TRDN: variants seen among roughly 807,000 people sequenced by gnomAD.
The protein encoded by TRDN is triadin in skeletal muscle.
A neutral mutation model predicts 149.7 loss-of-function variants in TRDN; 161 were observed. That is an observed-to-expected ratio of 1.08 (90% CI 0.95 to 1.23). The LOEUF (loss-of-function observed/expected upper bound fraction) is 1.23. Among genes scored for constraint, TRDN ranks in the 50% most tolerant of loss-of-function variants. The pLI is 0.00. For missense variants in TRDN, 896 were observed against 823.5 expected, an observed-to-expected ratio of 1.09 and a Z score of -1.08; for synonymous variants, 294 against 250.5, an observed-to-expected ratio of 1.17 and a Z score of -1.64.
intron 24 of TRDN, 107 bp downstream of exon 24, chr6:123,316,350 G>C: frequency 9.7e-7 from 1 of 1,034,788 alleles, no homozygotes; most frequent in South Asian, 1.4e-5. Flanking sequence ...TTAATGTTTT[G>C]GATGTCTAAA....
At chr6:123,570,658 T>C (rs937981681) in intron 2 of TRDN, among the ~76,000 whole-genome samples, 2 of 152,194 alleles carry the variant, frequency 1.3e-5, no homozygotes, top group African/African-American at 4.8e-5. Flanking sequence ...CTATTATCTT[T>C]ATGAACTGCA....
intron 1 of TRDN, among the ~76,000 whole-genome samples, chr6:123,575,783 C>T (rs1782824223): frequency 6.6e-6 from 1 of 151,956 alleles, no homozygotes; most frequent in Non-Finnish European, 1.5e-5. Flanking sequence ...AAGCCATAAG[C>T]CTCCTGATAG....
intron 7 of TRDN, among the ~76,000 whole-genome samples, chr6:123,505,416 C>T (rs1778879836): frequency 6.6e-6 from 1 of 152,010 alleles, no homozygotes. Context: ...AACCAAAAAT[C>T]ATCTGTGGTA....
chr6:123,279,745 A>G (rs934259491), intron 24 of TRDN, among the ~76,000 whole-genome samples: 2 of 152,066 alleles, frequency 1.3e-5, no homozygotes, highest in African/African-American at 4.8e-5. Context: ...ATTTGACCAT[A>G]TTGATCACTT....
At chr6:123,387,062 A>G (rs1781931910) in intron 14 of TRDN, among the ~76,000 whole-genome samples, 1 of 152,162 alleles carries the variant, frequency 6.6e-6, no homozygotes, top group Admixed American at 6.5e-5. Context: ...TACTCTACAG[A>G]GTCATTGTAA....
chr6:123,287,402 C>T (rs1010571631), intron 24 of TRDN, among the ~76,000 whole-genome samples: 37 of 152,104 alleles, frequency 2.4e-4, no homozygotes, highest in African/African-American at 8.2e-4. Flanking sequence ...AACAATATCA[C>T]ATAAGAACTT....
intron 27 of TRDN, among the ~76,000 whole-genome samples, chr6:123,273,581 A>G (rs1777275291): frequency 6.6e-6 from 1 of 152,018 alleles, no homozygotes; most frequent in Admixed American, 6.6e-5. Context: ...CAGGAAAATA[A>G]ATAATAAAAT....
intron 1 of TRDN, among the ~76,000 whole-genome samples, chr6:123,609,816 A>G (rs921747153): frequency 6.6e-6 from 1 of 152,174 alleles, no homozygotes; most frequent in African/African-American, 2.4e-5. Context: ...TAAAGTTTAT[A>G]GATATATTAC....
chr6:123,585,364 GC>G (rs1161768469), intron 1 of TRDN, among the ~76,000 whole-genome samples: 3 of 151,984 alleles, frequency 2.0e-5, no homozygotes, highest in African/African-American at 7.3e-5. Flanking sequence ...AGGTTTAGAA[GC>G]CTGGCCATCA....
Position 123,337,661 on chromosome 6 carries a change from T to C in TRDN, c.1378A>G (p.Lys460Glu). 6.9e-7 allele frequency: 1 copy of C among 1,458,974 alleles called. No homozygotes were observed. The highest frequency in any genetic ancestry group is 9.2e-7 in the Non-Finnish European group (1 of 1,088,420). The allele number at this position is 1,458,974 out of a possible 1,614,324, so 90.4% of individuals were successfully genotyped here. Residue 460 changes from lysine to glutamate, a missense_variant, in exon 22 of 41, where the codon AAA (lysine) becomes GAA (glutamate). Physicochemically the swap from Lys to Glu is moderately conservative, Grantham distance 56 (BLOSUM62 1). Transcript: ENST00000334268. The part of the protein sequence containing the change: ...TTKTVEQEIR[K>E]EKSGKTSSIL... Reference sequence around the variant, plus strand: ...GAAGAAGTCTTCCCAGATTTTTCTTTTCTAATTTCTGCAAGAGAGATCATG... The same window carrying C: ...GAAGAAGTCTTCCCAGATTTTTCTTCTCTAATTTCTGCAAGAGAGATCATG...
At chr6:123,308,339 T>TGTG (rs36010839) in intron 24 of TRDN, among the ~76,000 whole-genome samples, 10 of 42,288 alleles carry the variant, frequency 2.4e-4, no homozygotes, top group African/African-American at 6.8e-4. Flanking sequence ...CACGTGTGTG[T>TGTG]TTTTTTTTTT....
At chr6:123,422,474 G>A (rs367717092) in intron 12 of TRDN, among the ~76,000 whole-genome samples, 1 of 152,264 alleles carries the variant, frequency 6.6e-6, no homozygotes, top group East Asian at 1.9e-4. Flanking sequence ...TGGGAAAAGA[G>A]AGATTCAGAG....
At chr6:123,368,724 A>G (rs888706336) in intron 19 of TRDN, among the ~76,000 whole-genome samples, 1 of 152,220 alleles carries the variant, frequency 6.6e-6, no homozygotes, top group East Asian at 1.9e-4. Flanking sequence ...CAGAATTTTG[A>G]TTTTAAAAAT....
chr6:123,518,741 A>G (rs139711435), intron 5 of TRDN, among the ~76,000 whole-genome samples: 47 of 152,228 alleles, frequency 3.1e-4, no homozygotes, highest in African/African-American at 1.0e-3. Context: ...GTATGCTAGC[A>G]TTTTATTATC....
intron 24 of TRDN, among the ~76,000 whole-genome samples, chr6:123,292,597 C>G (rs528339106): frequency 2.6e-5 from 4 of 152,216 alleles, no homozygotes; most frequent in Non-Finnish European, 5.9e-5. Context: ...TTTGCTAAAA[C>G]TTGGAAAGAA....
At chr6:123,542,620 A>G (rs1780893482) in intron 4 of TRDN, among the ~76,000 whole-genome samples, 1 of 152,160 alleles carries the variant, frequency 6.6e-6, no homozygotes, top group African/African-American at 2.4e-5. Flanking sequence ...TGTAAAAAGG[A>G]GATAGAGATA....
At chr6:123,520,892 T>C (rs1779645778) in intron 5 of TRDN, among the ~76,000 whole-genome samples, 1 of 152,122 alleles carries the variant, frequency 6.6e-6, no homozygotes, top group African/African-American at 2.4e-5. Context: ...TATTTTGTAC[T>C]TTAAGGAGTT....
Position 123,492,418 on chromosome 6 carries a change from T to C in TRDN, c.853+4775A>G, listed in dbSNP as rs148542116. Among the ~76,000 whole-genome samples, 21 of 152,280 alleles carry C rather than the reference T, an allele frequency of 1.4e-4. No homozygotes were observed. The East Asian group carries it at 3.9e-3, about 28-fold the overall frequency. On this transcript the variant is annotated intron_variant, in intron 9 of 40. Transcript: ENST00000334268. Reference sequence around the variant, plus strand: ...AATTGGTTTCTTTATCTTTAGTGAATATAAAGAGGTCTGTGAACCATGTGA... The same window carrying C: ...AATTGGTTTCTTTATCTTTAGTGAACATAAAGAGGTCTGTGAACCATGTGA...
At chr6:123,465,069 C>T (rs1269934404) in intron 9 of TRDN, 86 bp from the exon 10 acceptor site, 5 of 1,379,638 alleles carry the variant, frequency 3.6e-6, no homozygotes, top group Non-Finnish European at 3.9e-6. Context: ...CTGTCCCCTA[C>T]ATGCATAATT....
Sources: allele counts gnomAD v4.1 joint callset (sites outside exome capture counted in the v4.1 genomes callset), GRCh38; gene constraint gnomAD v4.1.1; transcripts MANE v1.5; gene names NCBI Gene and HGNC (gene_info 2026-07-23, HGNC 2026-07-21).